VAV1: variants seen among roughly 807,000 people sequenced by gnomAD.
VAV1 encodes the protein vav guanine nucleotide exchange factor 1, also known as proto-oncogene vav.
A neutral mutation model predicts 128.1 loss-of-function variants in VAV1; 33 were observed. The observed-to-expected ratio is 0.26, with a 90% CI of 0.20 to 0.34. The LOEUF (loss-of-function observed/expected upper bound fraction) is 0.34, where lower values mean the gene tolerates loss of function less well. Ranked by LOEUF, VAV1 falls within the 10% of genes least tolerant of loss-of-function variation. The pLI, the probability that VAV1 is intolerant of heterozygous loss-of-function variation, is 1.00. For missense variants in VAV1, 715 were observed against 1,093.7 expected, an observed-to-expected ratio of 0.65 and a Z score of 4.88; for synonymous variants, 394 against 409.8, an observed-to-expected ratio of 0.96 and a Z score of 0.47.
At chr19:6,831,397 C>T (rs371213279) in intron 14 of VAV1, among the ~76,000 whole-genome samples, 29 of 152,064 alleles carry the variant, frequency 1.9e-4, no homozygotes, top group South Asian at 8.3e-4. Flanking sequence ...CTGCAACCTC[C>T]GCCTCCTGAG....
At chr19:6,815,766 C>A (rs140524743) in intron 1 of VAV1, among the ~76,000 whole-genome samples, 1 of 152,176 alleles carries the variant, frequency 6.6e-6, no homozygotes, top group Admixed American at 6.5e-5. Context: ...AATAATATGA[C>A]TTACCTTGAA....
chr19:6,814,564 T>C (rs1297777877), intron 1 of VAV1, among the ~76,000 whole-genome samples: 2 of 152,008 alleles, frequency 1.3e-5, no homozygotes, highest in East Asian at 3.8e-4. Context: ...ATCTATATAT[T>C]CTTTGGGAAT....
chr19:6,825,544 T>A (rs1971898272), intron 8 of VAV1, 138 bp downstream of exon 8: 1 of 683,038 alleles, frequency 1.5e-6, no homozygotes, highest in Non-Finnish European at 2.5e-6. Context: ...GGGCTGCCCA[T>A]CTCTGGTTCA....
intron 1 of VAV1, among the ~76,000 whole-genome samples, chr19:6,787,747 G>A (rs971275864): frequency 5.3e-5 from 8 of 151,932 alleles, no homozygotes; most frequent in Admixed American, 2.6e-4. Context: ...ATAGGTGTGC[G>A]TCACCATGCC....
At chr19:6,831,954 G>A in intron 14 of VAV1, 137 bp from the exon 15 acceptor site, 3 of 657,964 alleles carry the variant, frequency 4.6e-6, no homozygotes, top group Non-Finnish European at 7.7e-6. Context: ...CCTTTTACAA[G>A]GATATCCATG....
chr19:6,782,810 A>T (rs1970793146), intron 1 of VAV1, among the ~76,000 whole-genome samples: 1 of 151,818 alleles, frequency 6.6e-6, no homozygotes, highest in African/African-American at 2.4e-5. Flanking sequence ...TGAGCCCAGG[A>T]ATTGGAGGCT....
intron 1 of VAV1, among the ~76,000 whole-genome samples, chr19:6,816,017 ATT>A (rs1157742259): frequency 3.0e-4 from 40 of 133,694 alleles, no homozygotes; most frequent in African/African-American, 6.8e-4. Context: ...GTCTCTACAA[ATT>A]TTTTTTTTTT....
intron 26 of VAV1, 57 bp downstream of exon 26, chr19:6,854,155 C>A: frequency 6.3e-7 from 1 of 1,589,676 alleles, no homozygotes; most frequent in South Asian, 1.1e-5. Context: ...TGGTGGTGGA[C>A]GAGACTGGAA....
Position 6,852,311 on chromosome 19 carries a change from G to A in VAV1, c.2218-654G>A, listed in dbSNP as rs969594931. 5.3e-5 allele frequency among the ~76,000 whole-genome samples: 8 copies of A among 152,140 alleles called. No homozygotes were observed. In the East Asian group the frequency reaches 1.5e-3, roughly 29 times the overall value. ...ATTCCAGGCATGAGCCACTACATCTGGCCTGATGATGATTGCTAATTGTAA... is the reference window on the plus strand; with the variant it reads ...ATTCCAGGCATGAGCCACTACATCTAGCCTGATGATGATTGCTAATTGTAA... On this transcript the variant is annotated intron_variant, in intron 24 of 26. Coordinates refer to ENST00000602142, the MANE Select transcript of VAV1 (RefSeq NM_005428.4).
rs1970677138 is a variant in VAV1, at chr19:6,777,693, T to G, written c.204+4682T>G. Among the ~76,000 whole-genome samples, 1 of 152,084 alleles carries G rather than the reference T, an allele frequency of 6.6e-6. No individual in the cohort carries two copies. Among genetic ancestry groups the G allele is most frequent in the African/African-American group, 2.4e-5 (1 of 41,398 alleles). ...GGTGGGAATGGTGCAGGAGGTCAGG[T>G]TGGATGAATCTCCAAGCGGCTGGTC... is the stretch of plus-strand genomic sequence containing the variant. On this transcript the variant is annotated intron_variant, in intron 1 of 26. Transcript: ENST00000602142. This position sits in a 1 kb window ranked among gnomAD's most constrained non-coding sequence, Gnocchi z 4.4.
intron 1 of VAV1, among the ~76,000 whole-genome samples, chr19:6,805,553 G>C (rs1017868124): frequency 1.2e-4 from 17 of 147,150 alleles, no homozygotes; most frequent in African/African-American, 4.2e-4. Context: ...ACCAGCCTGG[G>C]CAACATAGTG....
intron 1 of VAV1, among the ~76,000 whole-genome samples, chr19:6,791,330 C>T (rs1273437617): frequency 1.3e-5 from 2 of 151,958 alleles, no homozygotes; most frequent in Middle Eastern, 6.8e-3. Flanking sequence ...TTCCTCATCT[C>T]GAGGTCCTTG....
intron 9 of VAV1, chr19:6,827,017 G>A: frequency 5.6e-6 from 2 of 354,324 alleles, no homozygotes; most frequent in East Asian, 4.9e-5. Context: ...CCCCAAGTCG[G>A]GCTGAGCTCC....
Position 6,848,049 on chromosome 19 carries a change from C to T in VAV1, c.2064C>T (p.Arg688=). The T allele has an allele frequency of 6.5e-7, 1 of 1,539,500 alleles. No individual in the cohort carries two copies. The highest frequency in any genetic ancestry group is 8.7e-7 in the Non-Finnish European group (1 of 1,151,664). Residue 688 remains arginine, a synonymous_variant, in exon 23 of 27, where the codon CGC becomes CGT. Transcript: ENST00000602142. ...GGGCAGAGAGCATCCTGGCCAACCGCTCGGACGGGACTTTCTTGGTGCGGC... is the reference window on the plus strand; with the variant it reads ...GGGCAGAGAGCATCCTGGCCAACCGTTCGGACGGGACTTTCTTGGTGCGGC... ...RAGAESILAN[R]SDGTFLVRQR...
chr19:6,813,536 A>G (rs76480763), intron 1 of VAV1, among the ~76,000 whole-genome samples: 8,659 of 152,172 alleles, frequency 0.057, 358 homozygotes, highest in African/African-American at 0.11. Context: ...GCTACTACAA[A>G]CACATTGTCT....
intron 1 of VAV1, among the ~76,000 whole-genome samples, chr19:6,790,359 T>C (rs1017702088): frequency 7.2e-5 from 11 of 152,220 alleles, no homozygotes; most frequent in Non-Finnish European, 1.5e-4. Context: ...GTGGTGTTTT[T>C]GTTCCTTGTG....
At chr19:6,846,297 G>A (rs759908306) in intron 22 of VAV1, among the ~76,000 whole-genome samples, 4 of 151,208 alleles carry the variant, frequency 2.6e-5, no homozygotes, top group Non-Finnish European at 5.9e-5. Flanking sequence ...ATAAAATTAT[G>A]TATTATGGGC....
intron 1 of VAV1, among the ~76,000 whole-genome samples, chr19:6,800,152 G>T (rs1053272844): frequency 1.3e-5 from 2 of 151,434 alleles, no homozygotes; most frequent in African/African-American, 2.4e-5. Context: ...TTTTTAATAA[G>T]AAGAAAATGT....
intron 1 of VAV1, among the ~76,000 whole-genome samples, chr19:6,787,865 A>G (rs567952570): frequency 6.6e-6 from 1 of 152,134 alleles, no homozygotes; most frequent in African/African-American, 2.4e-5. Flanking sequence ...TCACGAGGTC[A>G]GGAGATCGAG....
Sources: gnomAD v4.1 joint callset for allele counts (sites outside exome capture counted in the v4.1 genomes callset) on GRCh38, gnomAD v4.1.1 for gene constraint, Gnocchi (gnomAD v3.1) non-coding constraint, MANE v1.5 for transcripts, NCBI Gene and HGNC (gene_info 2026-07-23, HGNC 2026-07-21) for gene names.